Variants in APBB1IP observed in about 807,000 individuals in gnomAD.
APBB1IP encodes amyloid beta A4 precursor protein-binding family B member 1-interacting protein.
APBB1IP carries 27 observed loss-of-function variants against 64.9 expected under a neutral mutation model. The observed-to-expected ratio is 0.42, with a 90% CI of 0.31 to 0.57. APBB1IP has a LOEUF of 0.57. APBB1IP is among the 20% of genes least tolerant of loss of function. The pLI is 0.20. For missense variants in APBB1IP, 812 were observed against 845.5 expected (o/e 0.96, Z 0.49); for synonymous variants, 392 against 331.0 (o/e 1.18, Z -2.00).
intron 2 of APBB1IP, among the ~76,000 whole-genome samples, chr10:26,440,193 A>G (rs987142049): frequency 3.3e-5 from 5 of 152,126 alleles, no homozygotes; most frequent in Non-Finnish European, 7.4e-5. Context: ...TATCTCCCCC[A>G]TCTAGATAAG....
chr10:26,550,258 G>A (rs1836814961), intron 11 of APBB1IP, among the ~76,000 whole-genome samples: 3 of 151,806 alleles, frequency 2.0e-5, no homozygotes, highest in Admixed American at 2.0e-4. Context: ...TCTGATTGGT[G>A]ACCTTTGACC....
chr10:26,446,495 C>T (rs561165158), intron 2 of APBB1IP, among the ~76,000 whole-genome samples: 13 of 152,264 alleles, frequency 8.5e-5, no homozygotes, highest in East Asian at 1.9e-4. Flanking sequence ...GATGGCCGGC[C>T]GTGAGACCAC....
chr10:26,492,457 T>C, intron 3 of APBB1IP, 59 bp downstream of exon 3: 4 of 1,523,320 alleles, frequency 2.6e-6, no homozygotes, highest in Middle Eastern at 1.7e-4. Flanking sequence ...CAGAATTTCA[T>C]TGTAATATGA....
At chr10:26,514,855 C>T (rs1836304204) in intron 8 of APBB1IP, among the ~76,000 whole-genome samples, 1 of 151,768 alleles carries the variant, frequency 6.6e-6, no homozygotes, top group African/African-American at 2.4e-5. Context: ...ACCTTCAATG[C>T]CATGCTTTTT....
intron 8 of APBB1IP, among the ~76,000 whole-genome samples, chr10:26,530,099 G>A (rs1836529690): frequency 6.6e-6 from 1 of 152,016 alleles, no homozygotes; most frequent in African/African-American, 2.4e-5. Flanking sequence ...TTGTTATTGT[G>A]GAAAAATATA....
intron 8 of APBB1IP, among the ~76,000 whole-genome samples, chr10:26,524,808 A>G (rs886256380): frequency 6.6e-6 from 1 of 152,094 alleles, no homozygotes; most frequent in African/African-American, 2.4e-5. Context: ...TTGGAAAGTA[A>G]GCTACACTCT....
chr10:26,478,861 G>T, intron 2 of APBB1IP, among the ~76,000 whole-genome samples: 1 of 152,020 alleles, frequency 6.6e-6, no homozygotes, highest in Admixed American at 6.6e-5. Context: ...ATTTTGGGAG[G>T]CTCCCTTTTA....
intron 2 of APBB1IP, among the ~76,000 whole-genome samples, chr10:26,447,646 A>G (rs1201358339): frequency 6.6e-6 from 1 of 152,178 alleles, no homozygotes; most frequent in Non-Finnish European, 1.5e-5. Context: ...AGAGCTGTCC[A>G]GTAGAACTAC....
At chr10:26,441,244 T>C (rs554850737) in intron 2 of APBB1IP, among the ~76,000 whole-genome samples, 1 of 152,322 alleles carries the variant, frequency 6.6e-6, no homozygotes, top group East Asian at 1.9e-4. Context: ...GATTTTAAAG[T>C]GTAAGATTTC....
At chr10:26,481,648 C>A (rs1835834994) in intron 2 of APBB1IP, among the ~76,000 whole-genome samples, 1 of 151,952 alleles carries the variant, frequency 6.6e-6, no homozygotes, top group South Asian at 2.1e-4. Context: ...CTATGCCCAG[C>A]TAATTTTTTT....
At chr10:26,524,404 GA>G (rs35057241) in intron 8 of APBB1IP, among the ~76,000 whole-genome samples, 6,912 of 150,306 alleles carry the variant, frequency 0.046, 286 homozygotes, top group East Asian at 0.26. Flanking sequence ...GATTGATGAT[GA>G]AAAAAAAACA....
chr10:26,563,827 G>A (rs74128351), intron 14 of APBB1IP, among the ~76,000 whole-genome samples: 2,187 of 151,982 alleles, frequency 0.014, 43 homozygotes, highest in African/African-American at 0.05. Context: ...ACCTTTAAAC[G>A]TTGTATTTCT....
chr10:26,501,354 G>A (rs1480681135), intron 5 of APBB1IP: 3 of 551,696 alleles, frequency 5.4e-6, no homozygotes, highest in Non-Finnish European at 9.5e-6. Context: ...AAAAATATTT[G>A]TATGCAAAAA....
At chr10:26,477,682 C>A (rs115657952) in intron 2 of APBB1IP, among the ~76,000 whole-genome samples, 1 of 152,286 alleles carries the variant, frequency 6.6e-6, no homozygotes, top group Admixed American at 6.5e-5. Context: ...AACACAAAGG[C>A]GAATAACACG....
chr10:26,492,607 G>A (rs980386957), intron 3 of APBB1IP, among the ~76,000 whole-genome samples: 2 of 152,126 alleles, frequency 1.3e-5, no homozygotes, highest in Non-Finnish European at 2.9e-5. Context: ...AAATTTTAAA[G>A]CTGGGTGTCC....
chr10:26,535,055 A>G (rs1485630919), intron 9 of APBB1IP, among the ~76,000 whole-genome samples: 4 of 152,194 alleles, frequency 2.6e-5, no homozygotes, highest in Non-Finnish European at 4.4e-5. Flanking sequence ...TGAGAGTTAT[A>G]AAAAGAAAGC....
rs556431814 is a variant in APBB1IP, at chr10:26,530,251, G to A, written c.814-3188G>A. ...TTCTTTTTTTTTTTTTTTTTGAGACGAGGCCCCCACTGTGTGACCCAGGCT... is the reference window on the plus strand; with the variant it reads ...TTCTTTTTTTTTTTTTTTTTGAGACAAGGCCCCCACTGTGTGACCCAGGCT... On this transcript the variant is annotated intron_variant, in intron 8 of 14. Coordinates refer to ENST00000376236, the MANE Select transcript of APBB1IP (RefSeq NM_019043.4). Among the ~76,000 whole-genome samples, 14 of 132,750 alleles carry A rather than the reference G, an allele frequency of 1.1e-4. No individual in the cohort carries two copies. The South Asian group carries it at 1.6e-3, about 15-fold the overall frequency. The allele number at this position is 132,750 out of a possible 152,430, so 87.1% of individuals were successfully genotyped here.
chr10:26,564,874 T>C (rs1008184039), intron 14 of APBB1IP, among the ~76,000 whole-genome samples: 3 of 151,936 alleles, frequency 2.0e-5, no homozygotes, highest in African/African-American at 7.3e-5. Flanking sequence ...AGAGACCAGA[T>C]GTCCTGTCCT....
At chr10:26,528,878 A>G (rs545781707) in intron 8 of APBB1IP, among the ~76,000 whole-genome samples, 1 of 152,340 alleles carries the variant, frequency 6.6e-6, no homozygotes, top group Admixed American at 6.5e-5. Context: ...CGGAGGTTGC[A>G]GTGAACCATG....
Sources: allele counts gnomAD v4.1 joint callset (sites outside exome capture counted in the v4.1 genomes callset), GRCh38; gene constraint gnomAD v4.1.1; transcripts MANE v1.5; gene names NCBI Gene and HGNC (gene_info 2026-07-23, HGNC 2026-07-21).